The following SCN9A variants were observed in gnomAD, a reference collection of about 807,000 sequenced individuals.
SCN9A encodes sodium voltage-gated channel alpha subunit 9.
Under a neutral mutation model 187.0 loss-of-function variants are expected in SCN9A, and 131 were observed. The ratio of observed to expected loss-of-function variants is 0.70; its 90% confidence interval spans 0.61 to 0.81. The LOEUF is 0.81. SCN9A is among the 30% of genes least tolerant of loss of function. The pLI, the probability that SCN9A is intolerant of heterozygous loss-of-function variation, is 0.00. For synonymous variants in SCN9A, 809 were observed against 808.6 expected (o/e 1.00, Z -0.01); for missense variants, 2,252 against 2,396.6 (o/e 0.94, Z 1.26).
At chr2:166,305,639 A>G (rs1485042862) in intron 5 of SCN9A, among the ~76,000 whole-genome samples, 153 bp downstream of exon 5, 3 of 152,112 alleles carry the variant, frequency 2.0e-5, no homozygotes, top group Non-Finnish European at 2.9e-5. Flanking sequence ...GTATTTGCCT[A>G]TCAATGACTA....
chr2:166,276,602 GC>G (rs1697247664), intron 16 of SCN9A: 1 of 161,580 alleles, frequency 6.2e-6, no homozygotes, highest in Admixed American at 6.3e-5. Context: ...GCTATAAGGT[GC>G]GGGACCAGTC....
chr2:166,263,305 A>G (rs1281766467), intron 17 of SCN9A, among the ~76,000 whole-genome samples: 1 of 151,988 alleles, frequency 6.6e-6, no homozygotes, highest in African/African-American at 2.4e-5. Context: ...TCCTGAAAAC[A>G]CTTCTCAGTA....
intron 1 of SCN9A, among the ~76,000 whole-genome samples, chr2:166,355,413 C>T (rs986696568): frequency 2.0e-5 from 3 of 151,888 alleles, no homozygotes; most frequent in African/African-American, 2.4e-5. Context: ...ATGTGAATTT[C>T]GTGAAACATT....
chr2:166,312,400 G>T (rs111643968), intron 1 of SCN9A, among the ~76,000 whole-genome samples: 1 of 152,098 alleles, frequency 6.6e-6, no homozygotes, highest in African/African-American at 2.4e-5. Flanking sequence ...TAATTCTCTT[G>T]CTATTTCCAC....
chr2:166,294,565 C>A, intron 8 of SCN9A, 34 bp downstream of exon 8: 2 of 1,505,352 alleles, frequency 1.3e-6, no homozygotes, highest in African/African-American at 2.8e-5. Flanking sequence ...TCTCTTTCAG[C>A]CTTTAGACTA....
intron 24 of SCN9A, among the ~76,000 whole-genome samples, chr2:166,215,073 TAAG>T (rs1448717474): frequency 6.6e-6 from 1 of 152,184 alleles, no homozygotes; most frequent in Non-Finnish European, 1.5e-5. Context: ...TTAACAAATT[TAAG>T]AAGATTAAAA....
chr2:166,258,904 T>A lies in SCN9A; in HGVS notation c.3352-7019A>T, dbSNP rs1041908051. On this transcript the variant is annotated intron_variant, in intron 17 of 26. Transcript: ENST00000642356. ...AGGGAAGTTGATAGAGGTTTTCAAA[T>A]TAAATGTAGCTTCAATGGCTACTGT... is the stretch of plus-strand genomic sequence containing the variant. Among the ~76,000 whole-genome samples, 11 of 151,738 alleles carry A rather than the reference T, an allele frequency of 7.2e-5. No individual in the cohort carries two copies. In the East Asian group the frequency reaches 1.9e-3, roughly 27 times the overall value.
chr2:166,358,688 C>T (rs1700209817), intron 1 of SCN9A, among the ~76,000 whole-genome samples: 1 of 152,102 alleles, frequency 6.6e-6, no homozygotes, highest in Non-Finnish European at 1.5e-5. Flanking sequence ...AATCCTTTCT[C>T]CAGTGGCTCC....
chr2:166,309,524 C>T (rs1163335244), intron 2 of SCN9A, among the ~76,000 whole-genome samples: 2 of 152,046 alleles, frequency 1.3e-5, no homozygotes, highest in African/African-American at 4.8e-5. Context: ...AATAAAATAC[C>T]TAGGAATCCA....
At chr2:166,210,839 C>T (rs549407123) in intron 24 of SCN9A, among the ~76,000 whole-genome samples, 2 of 152,194 alleles carry the variant, frequency 1.3e-5, no homozygotes, top group East Asian at 3.9e-4. Context: ...GGGAGTGGAT[C>T]ACCTGAGGTC....
Position 166,242,496 on chromosome 2 carries a change from A to G in SCN9A, c.3627+6T>C. 6.4e-7 allele frequency: 1 copy of G among 1,571,016 alleles called. No individual in the cohort carries two copies. On this transcript the variant is annotated splice_donor_region_variant and intron_variant, in intron 19 of 26. Coordinates refer to ENST00000642356, the MANE Select transcript of SCN9A (RefSeq NM_001365536.1). The stretch of plus-strand genomic sequence containing the variant: ...AATATATTGACTTAGGTGTCAGATC[A>G]TTTACCAGGGCACCACTGCTGAGCA...
At chr2:166,364,825 T>A (rs1700376369) in intron 1 of SCN9A, among the ~76,000 whole-genome samples, 1 of 152,104 alleles carries the variant, frequency 6.6e-6, no homozygotes, top group Non-Finnish European at 1.5e-5. Flanking sequence ...AAATGGTAAA[T>A]TTTGTTATAT....
chr2:166,361,675 A>C (rs1700289810), intron 1 of SCN9A, among the ~76,000 whole-genome samples: 1 of 152,148 alleles, frequency 6.6e-6, no homozygotes, highest in Admixed American at 6.5e-5. Flanking sequence ...TAAGAAAATA[A>C]TAAATGTGGC....
intron 1 of SCN9A, among the ~76,000 whole-genome samples, chr2:166,319,775 A>G (rs1194675370): frequency 6.6e-6 from 1 of 152,160 alleles, no homozygotes; most frequent in East Asian, 1.9e-4. Flanking sequence ...AAATATTATC[A>G]GTGTAAAAGT....
intron 8 of SCN9A, 163 bp downstream of exon 8, chr2:166,294,436 G>T: frequency 1.9e-6 from 1 of 526,420 alleles, no homozygotes; most frequent in Non-Finnish European, 3.4e-6. Context: ...CATTAACTGT[G>T]AACATTTTAA....
intron 2 of SCN9A, 67 bp downstream of exon 2, chr2:166,311,432 A>T: frequency 7.6e-7 from 1 of 1,313,168 alleles, no homozygotes; most frequent in Non-Finnish European, 9.8e-7. Flanking sequence ...ACTAATCTCA[A>T]TTTAAAATAA....
chr2:166,262,807 G>T (rs1696567604), intron 17 of SCN9A, among the ~76,000 whole-genome samples: 1 of 151,852 alleles, frequency 6.6e-6, no homozygotes, highest in East Asian at 1.9e-4. Context: ...TGTGTAAAGG[G>T]GCTACTGTAT....
At chr2:166,222,959 A>AAAAAAAAAAAAAAAAAAAAAG (rs1558960927) in intron 24 of SCN9A, among the ~76,000 whole-genome samples, 1 of 146,910 alleles carries the variant, frequency 6.8e-6, no homozygotes, top group Non-Finnish European at 1.5e-5. Context: ...AAAAAAAAAA[A>AAAAAAAAAAAAAAAAAAAAAG]AAAAAAAAAA....
chr2:166,269,220 G>A (rs963875443), intron 17 of SCN9A, among the ~76,000 whole-genome samples: 8 of 151,832 alleles, frequency 5.3e-5, no homozygotes, highest in Admixed American at 2.6e-4. Flanking sequence ...ATACGCTTTC[G>A]GAAGGGCTCA....
Sources: gnomAD v4.1 joint callset for allele counts (sites outside exome capture counted in the v4.1 genomes callset) on GRCh38, gnomAD v4.1.1 for gene constraint, MANE v1.5 for transcripts, NCBI Gene and HGNC (gene_info 2026-07-23, HGNC 2026-07-21) for gene names.